AP3D1: variants seen among roughly 807,000 people sequenced by gnomAD.
The protein encoded by AP3D1 is adaptor related protein complex 3 subunit delta 1, also known as AP-3 complex subunit delta-1.
Under a neutral mutation model 147.6 loss-of-function variants are expected in AP3D1, and 51 were observed. That is an observed-to-expected ratio of 0.35 (90% CI 0.28 to 0.44). The LOEUF (loss-of-function observed/expected upper bound fraction) is 0.44, where lower values mean the gene tolerates loss of function less well. Among genes scored for constraint, AP3D1 ranks in the 20% least tolerant of loss-of-function variants. The pLI is 1.00. For synonymous variants in AP3D1, 760 were observed against 663.0 expected (o/e 1.15, Z -2.25); for missense variants, 1,421 against 1,624.2 (o/e 0.87, Z 2.15).
At chr19:2,137,898 C>G in intron 2 of AP3D1, 91 bp from the exon 3 acceptor site, 2 of 1,104,104 alleles carry the variant, frequency 1.8e-6, no homozygotes, top group Non-Finnish European at 1.3e-6. Context: ...TCCCAGCACA[C>G]GGTGCTGGAA....
chr19:2,163,485 C>A (rs1403578949), intron 1 of AP3D1, among the ~76,000 whole-genome samples: 1 of 131,866 alleles, frequency 7.6e-6, no homozygotes, highest in Non-Finnish European at 1.7e-5. Flanking sequence ...AATCACCGCG[C>A]CTGGCCTTTT....
At chr19:2,112,776 G>C (rs906843747) in intron 24 of AP3D1, 84 bp downstream of exon 24, 3 of 1,079,278 alleles carry the variant, frequency 2.8e-6, no homozygotes, top group Non-Finnish European at 4.0e-6. Flanking sequence ...TGGGACCTGG[G>C]TGGCGGAAGC....
At chr19:2,152,461 T>C (rs1401618889), upstream of AP3D1, among the ~76,000 whole-genome samples, 2 of 151,742 alleles carry the variant, frequency 1.3e-5, no homozygotes, top group Non-Finnish European at 2.9e-5. Context: ...GAGAATCCCT[T>C]GAAACCAGAA....
rs536369145 is a variant in AP3D1, at chr19:2,115,752, G to C, written c.2074-139C>G. ...TCCTGCCAGAGCCCTGGGCCGCGAG[G>C]AGCGCCGTGAGCGAGCGCATCCCGA... is the stretch of plus-strand genomic sequence containing the variant. On this transcript the variant is annotated intron_variant, in intron 18 of 31. Transcript: ENST00000643116. 536 of 847,018 alleles carry C rather than the reference G, an allele frequency of 6.3e-4. 1 individual carries two copies. Among genetic ancestry groups the C allele is most frequent in the Non-Finnish European group, 9.0e-4 (506 of 560,682 alleles). 52.5% of individuals were successfully genotyped at this position (847,018 alleles called of 1,614,324 possible). A position where few individuals can be genotyped will look rare whatever the true frequency, so the allele number is the denominator to read the frequency against.
At chr19:2,102,321 C>A in intron 31 of AP3D1, 53 bp from the exon 32 acceptor site, 3 of 1,497,558 alleles carry the variant, frequency 2.0e-6, no homozygotes, top group Non-Finnish European at 1.8e-6. Flanking sequence ...GGGCTAGGCA[C>A]GGTGGCTCAA....
At chr19:2,110,941 AG>A in intron 26 of AP3D1, 45 bp from the exon 27 acceptor site, 1 of 1,589,516 alleles carries the variant, frequency 6.3e-7, no homozygotes, top group South Asian at 1.1e-5. Flanking sequence ...GGCCCGCCAC[AG>A]GGAACAGGCA....
At chr19:2,158,116 T>G (rs1402357928) in intron 1 of AP3D1, among the ~76,000 whole-genome samples, 2 of 151,924 alleles carry the variant, frequency 1.3e-5, no homozygotes, top group Admixed American at 6.6e-5. Flanking sequence ...AGTGCAGTGG[T>G]GCGATCTCGG....
At chr19:2,119,297 G>A (rs569901641) in intron 14 of AP3D1, among the ~76,000 whole-genome samples, 4 of 152,290 alleles carry the variant, frequency 2.6e-5, no homozygotes, top group South Asian at 2.1e-4. Flanking sequence ...GGTGGCTCAC[G>A]CCTATAATCC....
At chr19:2,155,863 T>A (rs2144596401), upstream of AP3D1, among the ~76,000 whole-genome samples, 1 of 152,024 alleles carries the variant, frequency 6.6e-6, no homozygotes, top group Admixed American at 6.6e-5. Context: ...CCATCCTGGC[T>A]AACACGGTGA....
intron 7 of AP3D1, 72 bp downstream of exon 7, chr19:2,129,246 G>C (rs549574511): frequency 1.9e-6 from 3 of 1,596,392 alleles, no homozygotes; most frequent in African/African-American, 2.7e-5. Flanking sequence ...GTCACCCGCA[G>C]GGAATGCCCC....
intron 8 of AP3D1, among the ~76,000 whole-genome samples, chr19:2,127,754 T>G (rs1387789927): frequency 6.6e-6 from 1 of 152,250 alleles, no homozygotes; most frequent in African/African-American, 2.4e-5. Flanking sequence ...CTTGAACTCC[T>G]GACCTCAAGT....
intron 4 of AP3D1, among the ~76,000 whole-genome samples, chr19:2,135,611 A>G (rs1176836738): frequency 6.6e-6 from 1 of 152,234 alleles, no homozygotes; most frequent in African/African-American, 2.4e-5. Context: ...TACACAGAGG[A>G]AGCAGGTGCT....
chr19:2,141,655 C>T (rs914803409), intron 1 of AP3D1, among the ~76,000 whole-genome samples: 2 of 151,896 alleles, frequency 1.3e-5, no homozygotes, highest in Admixed American at 6.6e-5. Context: ...TTGGCCATGA[C>T]GGTCTCGATC....
At chr19:2,144,476 G>T (rs1054030386) in intron 1 of AP3D1, among the ~76,000 whole-genome samples, 1 of 152,148 alleles carries the variant, frequency 6.6e-6, no homozygotes, top group Admixed American at 6.6e-5. Flanking sequence ...GCAGAAACCA[G>T]AAACAGCCCC....
Position 2,114,152 on chromosome 19 carries a change from CTTGTCTCTCTCTTTCTCT to C in AP3D1, c.2556_2573del (p.Glu855_Lys860del). On this transcript the variant is annotated inframe_deletion, in exon 22 of 32. Coordinates refer to ENST00000643116, the MANE Select transcript of AP3D1 (RefSeq NM_001261826.3). ...TCTTCTCCTTCTCCTTCTTCTTCTC[CTTGTCTCTCTCTTTCTCT>C]TTGTGTTTTTTCTCTTTCTTCTTGG... 6.4e-7 allele frequency: 1 copy of C among 1,567,526 alleles called. No homozygotes were observed. The highest frequency in any genetic ancestry group is 8.7e-7 in the Non-Finnish European group (1 of 1,155,898).
chr19:2,133,142 T>C (rs893870068), intron 4 of AP3D1, among the ~76,000 whole-genome samples: 1 of 152,152 alleles, frequency 6.6e-6, no homozygotes, highest in Non-Finnish European at 1.5e-5. Flanking sequence ...TGGCACAGAA[T>C]GGGCAGGAAA....
rs1457622586 is a variant in AP3D1, at chr19:2,108,705, G to A, written c.3534C>T (p.Val1178=). Residue 1178 remains valine, a synonymous_variant, in exon 31 of 32, where the codon GTC becomes GTT. Transcript: ENST00000643116. The part of the protein sequence containing the change: ...MYSRSIQGHH[V]CLLVKKGENS... The stretch of plus-strand genomic sequence containing the variant: ...GGCTCACCTTTTTCACCAGGAGGCA[G>A]ACATGGTGGCCCTGGATGGAGCGGC... 1.9e-6 allele frequency: 3 copies of A among 1,583,066 alleles called. No individual in the cohort carries two copies. Among genetic ancestry groups the A allele is most frequent in the Non-Finnish European group, 2.6e-6 (3 of 1,164,974 alleles).
chr19:2,153,042 G>T (rs2019590498), upstream of AP3D1, among the ~76,000 whole-genome samples: 2 of 140,716 alleles, frequency 1.4e-5, no homozygotes, highest in African/African-American at 5.3e-5. Context: ...GAGCAATATA[G>T]TCAGACACCC....
In AP3D1 at chr19:2,136,765, C is replaced by T. The variant is rs544141677; in HGVS notation, c.354+246G>A. Reference sequence around the variant, plus strand: ...TTCGCCGGCCCCTCCAGGTGGTGAGCGAGGGAAGGGGGCACCGCACCACTC... The same window carrying T: ...TTCGCCGGCCCCTCCAGGTGGTGAGTGAGGGAAGGGGGCACCGCACCACTC... On this transcript the variant is annotated intron_variant, in intron 4 of 31. Transcript: ENST00000643116. Among the ~76,000 whole-genome samples the T allele has an allele frequency of 3.3e-3, 502 of 152,256 alleles. 4 individuals are homozygous for T. The highest frequency in any genetic ancestry group is 0.011 in the African/African-American group (468 of 41,564).
Sources: allele counts gnomAD v4.1 joint callset (sites outside exome capture counted in the v4.1 genomes callset), GRCh38; gene constraint gnomAD v4.1.1; transcripts MANE v1.5; gene names NCBI Gene and HGNC (gene_info 2026-07-23, HGNC 2026-07-21).